The following ADGRB3 variants were observed in gnomAD, a reference collection of about 807,000 sequenced individuals.
ADGRB3 encodes adhesion G protein-coupled receptor B3.
ADGRB3 carries 37 observed loss-of-function variants against 193.4 expected under a neutral mutation model. That is an observed-to-expected ratio of 0.19 (90% CI 0.15 to 0.25). The LOEUF is 0.25. Ranked by LOEUF, ADGRB3 falls within the 10% of genes least tolerant of loss-of-function variation. The pLI, the probability that ADGRB3 is intolerant of heterozygous loss-of-function variation, is 1.00. For missense variants in ADGRB3, 1,637 were observed against 1,852.9 expected, an observed-to-expected ratio of 0.88 and a Z score of 2.14; for synonymous variants, 690 against 644.2, an observed-to-expected ratio of 1.07 and a Z score of -1.08.
At chr6:68,973,009 A>G (rs1295800422) in intron 8 of ADGRB3, among the ~76,000 whole-genome samples, 1 of 152,336 alleles carries the variant, frequency 6.6e-6, no homozygotes, top group African/African-American at 2.4e-5. Context: ...TGAAGGTTGA[A>G]TTAACTGCTA....
rs149445259 is a variant in ADGRB3, at chr6:68,946,252, A to G, written c.1195+2258A>G. Among the ~76,000 whole-genome samples, 3 of 152,218 alleles carry G rather than the reference A, an allele frequency of 2.0e-5. No individual in the cohort carries two copies. The East Asian group carries it at 5.8e-4, about 29-fold the overall frequency. On this transcript the variant is annotated intron_variant, in intron 6 of 31. Transcript: ENST00000370598. ...TCGACGTTATGATTTTAAAATATGT[A>G]GGTTTATTTGGTGGAAACATTTGAA...
chr6:69,194,174 T>C (rs918019772), intron 17 of ADGRB3, among the ~76,000 whole-genome samples: 21 of 152,106 alleles, frequency 1.4e-4, no homozygotes, highest in Admixed American at 3.9e-4. Flanking sequence ...TTTTTTTAAA[T>C]GTCATATGAT....
chr6:68,877,185 G>A (rs1394538613), intron 3 of ADGRB3, among the ~76,000 whole-genome samples: 1 of 151,864 alleles, frequency 6.6e-6, no homozygotes, highest in Non-Finnish European at 1.5e-5. Flanking sequence ...ATAAATTTAT[G>A]TGTAAATTAA....
chr6:68,653,464 TG>T (rs1768418906), intron 3 of ADGRB3, among the ~76,000 whole-genome samples: 2 of 152,022 alleles, frequency 1.3e-5, no homozygotes, highest in African/African-American at 2.4e-5. Context: ...AATGATATTT[TG>T]GGGGAAGAAT....
intron 17 of ADGRB3, among the ~76,000 whole-genome samples, chr6:69,089,878 A>T (rs185747541): frequency 9.8e-5 from 15 of 152,302 alleles, no homozygotes; most frequent in Admixed American, 7.8e-4. Flanking sequence ...TCCAGATATT[A>T]CCAAATGTTC....
rs1400729808 is a variant in ADGRB3, at chr6:68,817,317, A to G, written c.758-113242A>G. On this transcript the variant is annotated intron_variant, in intron 3 of 31. Coordinates refer to ENST00000370598, the MANE Select transcript of ADGRB3 (RefSeq NM_001704.3). ...TTCCCTTTTGTCCATGTATATATAT[A>G]TATATATATATATATATATATATAT... 1.3e-3 allele frequency among the ~76,000 whole-genome samples: 64 copies of G among 48,062 alleles called. 2 individuals are homozygous for G. Among genetic ancestry groups the G allele is most frequent in the Middle Eastern group, 0.018 (2 of 110 alleles). 31.5% of individuals were successfully genotyped at this position (48,062 alleles called of 152,430 possible). A position where few individuals can be genotyped will look rare whatever the true frequency, so the allele number is the denominator to read the frequency against.
At chr6:69,041,808 A>G (rs941477196) in intron 13 of ADGRB3, among the ~76,000 whole-genome samples, 1 of 151,974 alleles carries the variant, frequency 6.6e-6, no homozygotes, top group African/African-American at 2.4e-5. Context: ...CCCAGGCTGG[A>G]CTTGAACTCC....
intron 24 of ADGRB3, among the ~76,000 whole-genome samples, chr6:69,338,710 A>T (rs1481885129): frequency 6.6e-6 from 1 of 152,236 alleles, no homozygotes; most frequent in Non-Finnish European, 1.5e-5. Context: ...TATGTTTTGC[A>T]TGCAACAAAG....
chr6:68,662,488 A>G (rs1459520811), intron 3 of ADGRB3, among the ~76,000 whole-genome samples: 1 of 151,594 alleles, frequency 6.6e-6, no homozygotes, highest in African/African-American at 2.4e-5. Context: ...TGTTTTGTGA[A>G]TAATTAAAGC....
intron 3 of ADGRB3, among the ~76,000 whole-genome samples, chr6:68,808,675 A>G (rs915460372): frequency 2.3e-4 from 35 of 152,168 alleles, no homozygotes; most frequent in Non-Finnish European, 2.1e-4. Flanking sequence ...AACTCATAGC[A>G]AGTACATTCT....
At chr6:69,116,001 T>A (rs2150327553) in intron 17 of ADGRB3, among the ~76,000 whole-genome samples, 1 of 152,180 alleles carries the variant, frequency 6.6e-6, no homozygotes, top group East Asian at 1.9e-4. Context: ...ATTTGTAGAG[T>A]AGGCTATCGA....
At chr6:69,326,724 T>C (rs1251414685) in intron 21 of ADGRB3, among the ~76,000 whole-genome samples, 2 of 152,008 alleles carry the variant, frequency 1.3e-5, no homozygotes, top group African/African-American at 4.8e-5. Flanking sequence ...AATTTTTTTT[T>C]CCTAATGAAC....
At chr6:68,697,096 G>A (rs1765171074) in intron 3 of ADGRB3, among the ~76,000 whole-genome samples, 1 of 151,866 alleles carries the variant, frequency 6.6e-6, no homozygotes, top group Admixed American at 6.6e-5. Flanking sequence ...AAATCAAAAT[G>A]TTCAACTTTG....
chr6:68,779,208 G>C (rs1766806901), intron 3 of ADGRB3, among the ~76,000 whole-genome samples: 1 of 147,686 alleles, frequency 6.8e-6, no homozygotes, highest in South Asian at 2.2e-4. Context: ...CAGACATTTT[G>C]TATTGTATAT....
intron 6 of ADGRB3, among the ~76,000 whole-genome samples, chr6:68,948,890 GTTA>G (rs1767842857): frequency 1.3e-5 from 2 of 151,996 alleles, no homozygotes; most frequent in Non-Finnish European, 2.9e-5. Context: ...AAAGTGGTGT[GTTA>G]TTCAGAAGAT....
intron 3 of ADGRB3, among the ~76,000 whole-genome samples, chr6:68,686,340 T>C (rs1039951581): frequency 1.3e-5 from 2 of 152,148 alleles, no homozygotes; most frequent in African/African-American, 4.8e-5. Flanking sequence ...GCCTTGACCA[T>C]CCTTAAAAAC....
At chr6:69,083,717 G>A (rs1242135608) in intron 17 of ADGRB3, among the ~76,000 whole-genome samples, 2 of 150,510 alleles carry the variant, frequency 1.3e-5, no homozygotes, top group Non-Finnish European at 2.9e-5. Context: ...TCGAAAATGT[G>A]TAAAGGATCC....
chr6:69,015,013 G>C (rs1046303641), intron 12 of ADGRB3, among the ~76,000 whole-genome samples: 1 of 151,464 alleles, frequency 6.6e-6, no homozygotes, highest in Non-Finnish European at 1.5e-5. Context: ...TCTGGACATA[G>C]CCAGAAAAAA....
intron 3 of ADGRB3, among the ~76,000 whole-genome samples, chr6:68,678,062 A>C (rs1484394782): frequency 6.6e-6 from 1 of 152,148 alleles, no homozygotes; most frequent in African/African-American, 2.4e-5. Flanking sequence ...GTTAAGTCAA[A>C]AGACAGGCCA....
Sources: allele counts gnomAD v4.1 joint callset (sites outside exome capture counted in the v4.1 genomes callset), GRCh38; gene constraint gnomAD v4.1.1; transcripts MANE v1.5; gene names NCBI Gene and HGNC (gene_info 2026-07-23, HGNC 2026-07-21).